SLC39A11: variants seen among roughly 807,000 people sequenced by gnomAD.
SLC39A11 encodes zinc transporter ZIP11.
SLC39A11 carries 33 observed loss-of-function variants against 36.1 expected under a neutral mutation model. The ratio of observed to expected loss-of-function variants is 0.91; its 90% CI spans 0.69 to 1.22. The LOEUF is 1.22. SLC39A11 is among the 50% of genes most tolerant of loss of function. SLC39A11 has a pLI of 0.00. For synonymous variants in SLC39A11, 166 were observed against 170.3 expected, an observed-to-expected ratio of 0.97 and a Z score of 0.20; for missense variants, 432 against 430.3, an observed-to-expected ratio of 1.00 and a Z score of -0.03.
intron 7 of SLC39A11, among the ~76,000 whole-genome samples, chr17:72,650,845 C>T (rs1157502461): frequency 6.6e-6 from 1 of 152,172 alleles, no homozygotes; most frequent in Non-Finnish European, 1.5e-5. Context: ...CTGCCCCAGG[C>T]TCCCGGGACT....
chr17:72,682,071 G>C (rs1275434884), intron 7 of SLC39A11, among the ~76,000 whole-genome samples: 1 of 152,120 alleles, frequency 6.6e-6, no homozygotes, highest in African/African-American at 2.4e-5. Flanking sequence ...TAGACTCTCA[G>C]AGGAGCACGA....
chr17:72,991,255 T>A (rs1183791948), intron 4 of SLC39A11, among the ~76,000 whole-genome samples: 1 of 152,240 alleles, frequency 6.6e-6, no homozygotes, highest in Admixed American at 6.5e-5. Context: ...TTTTTATATG[T>A]CTACAAAAAA....
At chr17:72,740,539 C>T (rs1175796193) in intron 6 of SLC39A11, among the ~76,000 whole-genome samples, 1 of 152,170 alleles carries the variant, frequency 6.6e-6, no homozygotes, top group Non-Finnish European at 1.5e-5. Flanking sequence ...CAAGCAAGTT[C>T]ATTTTTTCTT....
chr17:73,012,498 G>A (rs1407779107), intron 4 of SLC39A11, among the ~76,000 whole-genome samples: 1 of 151,266 alleles, frequency 6.6e-6, no homozygotes, highest in African/African-American at 2.4e-5. Context: ...TCAGCAAACT[G>A]TTTCTGCAAA....
chr17:72,780,909 C>T (rs960682360), intron 6 of SLC39A11, among the ~76,000 whole-genome samples: 4 of 152,192 alleles, frequency 2.6e-5, no homozygotes, highest in Non-Finnish European at 5.9e-5. Context: ...ATTGCTTGAA[C>T]CCAGGAGGCG....
chr17:72,660,644 A>G (rs1336300944), intron 7 of SLC39A11, among the ~76,000 whole-genome samples: 1 of 152,140 alleles, frequency 6.6e-6, no homozygotes, highest in Non-Finnish European at 1.5e-5. Flanking sequence ...TCTTCTGGTC[A>G]ACAGGGAGGG....
At chr17:72,963,295 A>C (rs1426256774) in intron 4 of SLC39A11, among the ~76,000 whole-genome samples, 11 of 144,418 alleles carry the variant, frequency 7.6e-5, no homozygotes, top group Admixed American at 6.7e-4. Context: ...CTCAGCCTCC[A>C]GAGTAGCTGG....
intron 5 of SLC39A11, among the ~76,000 whole-genome samples, chr17:72,855,183 T>C (rs2079573570): frequency 6.6e-6 from 1 of 152,220 alleles, no homozygotes; most frequent in African/African-American, 2.4e-5. Context: ...TGTCGGGTCC[T>C]TATGGATTCA....
At position 72,785,739 on chromosome 17, in the gene SLC39A11, G is replaced by A. The variant is rs560241891; in HGVS notation, c.602-49020C>T. Among the ~76,000 whole-genome samples the A allele has an allele frequency of 5.3e-5, 8 of 152,212 alleles. No homozygotes were observed. In the East Asian group the frequency reaches 1.2e-3, roughly 22 times the overall value. On this transcript the variant is annotated intron_variant, in intron 6 of 9. Coordinates refer to ENST00000255559, the MANE Select transcript of SLC39A11 (RefSeq NM_139177.4). ...CAATTACAGAAATGCTGGATACATC[G>A]TTTTCTTTATTCCATGTGTTTTTCT...
intron 4 of SLC39A11, among the ~76,000 whole-genome samples, chr17:72,971,039 C>T (rs1384775650): frequency 1.3e-5 from 2 of 152,150 alleles, no homozygotes; most frequent in Non-Finnish European, 2.9e-5. Context: ...GATGTTACAT[C>T]GGAGAGGCTG....
intron 5 of SLC39A11, among the ~76,000 whole-genome samples, chr17:72,852,818 A>G (rs2079429792): frequency 6.6e-6 from 1 of 152,196 alleles, no homozygotes; most frequent in Admixed American, 6.5e-5. Context: ...TAAAGACATA[A>G]GCAAAGCAGT....
intron 6 of SLC39A11, among the ~76,000 whole-genome samples, chr17:72,772,865 C>G (rs2075998397): frequency 6.6e-6 from 1 of 152,160 alleles, no homozygotes; most frequent in African/African-American, 2.4e-5. Context: ...GGATGGATCA[C>G]CTGAGGTCAG....
chr17:73,033,180 G>T (rs2058794101), intron 3 of SLC39A11, among the ~76,000 whole-genome samples: 1 of 152,210 alleles, frequency 6.6e-6, no homozygotes, highest in African/African-American at 2.4e-5. Flanking sequence ...AGGAGGCGGA[G>T]CTCCCGCGGT....
chr17:72,783,097 C>T (rs893404560), intron 6 of SLC39A11, among the ~76,000 whole-genome samples: 5 of 150,944 alleles, frequency 3.3e-5, no homozygotes, highest in Admixed American at 6.6e-5. Flanking sequence ...ATGATTCTCA[C>T]CAGAAAGCAG....
chr17:72,864,504 CG>C (rs1281451667), intron 5 of SLC39A11, among the ~76,000 whole-genome samples: 1 of 152,060 alleles, frequency 6.6e-6, no homozygotes, highest in Non-Finnish European at 1.5e-5. Context: ...AAGGGTTAAC[CG>C]GGGTCCCCTG....
chr17:73,036,253 C>G (rs1420601127), intron 3 of SLC39A11, among the ~76,000 whole-genome samples: 1 of 152,114 alleles, frequency 6.6e-6, no homozygotes, highest in Non-Finnish European at 1.5e-5. Context: ...TTTTTTAGAG[C>G]ACTTTTAGAT....
chr17:73,013,452 A>G (rs556377664), intron 4 of SLC39A11, among the ~76,000 whole-genome samples: 3 of 152,360 alleles, frequency 2.0e-5, no homozygotes, highest in Non-Finnish European at 4.4e-5. Flanking sequence ...TCTGTGTTCA[A>G]TCACAACCAT....
At chr17:72,727,651 CAAAAAAA>C (rs57874434) in intron 7 of SLC39A11, among the ~76,000 whole-genome samples, 9 of 73,178 alleles carry the variant, frequency 1.2e-4, no homozygotes, top group Non-Finnish European at 2.4e-4. Flanking sequence ...GACTCCGTCT[CAAAAAAA>C]AAAAAAAAAA....
intron 7 of SLC39A11, among the ~76,000 whole-genome samples, chr17:72,663,385 T>C (rs1176426580): frequency 6.6e-6 from 1 of 152,168 alleles, no homozygotes; most frequent in Non-Finnish European, 1.5e-5. Context: ...CAGATCCGCC[T>C]GCGTTGTACA....
Sources: gnomAD v4.1 joint callset for allele counts (sites outside exome capture counted in the v4.1 genomes callset) on GRCh38, gnomAD v4.1.1 for gene constraint, MANE v1.5 for transcripts, NCBI Gene and HGNC (gene_info 2026-07-23, HGNC 2026-07-21) for gene names.